Variants in RALGDS observed in about 807,000 individuals in gnomAD.
RALGDS encodes ral guanine nucleotide dissociation stimulator.
RALGDS carries 44 observed loss-of-function variants against 99.8 expected under a neutral mutation model. The ratio of observed to expected loss-of-function variants is 0.44; its 90% CI spans 0.35 to 0.57. The LOEUF (loss-of-function observed/expected upper bound fraction) is 0.57, where lower values mean the gene tolerates loss of function less well. RALGDS is among the 20% of genes least tolerant of loss of function. The pLI is 0.01. For missense variants in RALGDS, 1,022 were observed against 1,203.1 expected, an observed-to-expected ratio of 0.85 and a Z score of 2.23; for synonymous variants, 529 against 505.0, an observed-to-expected ratio of 1.05 and a Z score of -0.64.
chr9:133,110,526 C>T (rs1398047356), intron 2 of RALGDS, 37 bp from the exon 3 acceptor site: 1 of 1,558,120 alleles, frequency 6.4e-7, no homozygotes, highest in Non-Finnish European at 8.8e-7. Flanking sequence ...CAGTCAGTGG[C>T]AGCACACGAA....
intron 1 of RALGDS, among the ~76,000 whole-genome samples, chr9:133,114,032 G>C (rs2119183679): frequency 6.6e-6 from 1 of 152,344 alleles, no homozygotes; most frequent in African/African-American, 2.4e-5. Flanking sequence ...GGTGGCCTCG[G>C]CTGTCCCTGA....
chr9:133,102,273 G>A (rs1052910824), intron 14 of RALGDS, 134 bp from the exon 15 acceptor site: 12 of 1,139,286 alleles, frequency 1.1e-5, no homozygotes, highest in Non-Finnish European at 1.4e-5. Flanking sequence ...ACAGCCATCT[G>A]GGAGAGCATT....
At chr9:133,101,902 T>C (rs973440562) in intron 15 of RALGDS, 36 bp downstream of exon 15, 9 of 1,550,772 alleles carry the variant, frequency 5.8e-6, no homozygotes, top group Non-Finnish European at 7.8e-6. Context: ...AGTGGGGAGA[T>C]GGGAAAGGAT....
intron 9 of RALGDS, 121 bp downstream of exon 9, chr9:133,105,811 C>G (rs1222131610): frequency 2.0e-6 from 1 of 493,294 alleles, no homozygotes; most frequent in Non-Finnish European, 3.5e-6. Flanking sequence ...CGAATGCCAC[C>G]GCCCGCCGCC....
At chr9:133,102,696 A>C in intron 13 of RALGDS, 83 bp downstream of exon 13, 3 of 1,603,192 alleles carry the variant, frequency 1.9e-6, no homozygotes, top group Non-Finnish European at 2.6e-6. Flanking sequence ...GAGGCTGACC[A>C]TGGGTCATAG....
chr9:133,107,522 C>G (rs558893968), intron 6 of RALGDS, among the ~76,000 whole-genome samples: 11 of 152,360 alleles, frequency 7.2e-5, no homozygotes, highest in Admixed American at 3.9e-4. Context: ...AGGCGGCTCA[C>G]GCCTGCCCAC....
At chr9:133,104,533 A>G in intron 9 of RALGDS, 1 of 601,294 alleles carries the variant, frequency 1.7e-6, no homozygotes, top group Non-Finnish European at 3.0e-6. Context: ...CGCCTGCTGC[A>G]TGGTGCGGTG....
rs781044833 is a variant in RALGDS, at chr9:133,110,440, G to A, written c.344C>T (p.Thr115Ile). 2.5e-6 allele frequency: 4 copies of A among 1,613,512 alleles called. No individual in the cohort carries two copies. The highest frequency in any genetic ancestry group is 1.3e-5 in the African/African-American group (1 of 75,058). The change falls in exon 3 of 18, where the codon ACC (threonine) becomes ATC (isoleucine). Residue 115 changes from threonine to isoleucine, a missense_variant. Transcript: ENST00000372050. Reference protein sequence around the residue: ...LNLYETCKVRTVKAGTLEKLV... With the variant: ...LNLYETCKVRIVKAGTLEKLV... ...CTTCTCCAGCGTGCCAGCCTTCACGGTCCGCACCTTGCAAGTCTCATAAAG... is the reference window on the plus strand; with the variant it reads ...CTTCTCCAGCGTGCCAGCCTTCACGATCCGCACCTTGCAAGTCTCATAAAG...
intron 1 of RALGDS, among the ~76,000 whole-genome samples, chr9:133,139,362 A>G (rs1165128632): frequency 6.6e-6 from 1 of 152,178 alleles, no homozygotes; most frequent in Non-Finnish European, 1.5e-5. Flanking sequence ...GAAACACCTC[A>G]TGGAGTCCTG....
chr9:133,099,023 G>T lies in RALGDS; in HGVS notation c.2570-261C>A, dbSNP rs1830624348. On this transcript the variant is annotated intron_variant, in intron 17 of 17. Coordinates refer to ENST00000372050, the MANE Select transcript of RALGDS (RefSeq NM_006266.4). ...CCCGGCTTGGCCTGAGCTGGCAGAG[G>T]GTCACCCCGTCCTGCCCATACTGCA... 1.7e-5 allele frequency: 8 copies of T among 483,186 alleles called. No individual in the cohort carries two copies. The South Asian group carries it at 1.7e-4, about 10-fold the overall frequency. The allele number at this position is 483,186 out of a possible 1,614,324, so 29.9% of individuals were successfully genotyped here.
At chr9:133,140,679 G>C (rs925416641) in intron 1 of RALGDS, among the ~76,000 whole-genome samples, 3 of 152,118 alleles carry the variant, frequency 2.0e-5, no homozygotes, top group Non-Finnish European at 2.9e-5. Flanking sequence ...GTGGGGGAGG[G>C]GGTGGGGAAG....
In RALGDS at chr9:133,110,371, G is replaced by A; in HGVS notation, c.413C>T (p.Ser138Phe). ...GGTACACAGGAAGATGGTGACGTAG[G>A]AGAGGTCGCTGCCCTGGAAGGCTGG... ...LVPAFQGSDL[S>F]YVTIFLCTYR... Residue 138 changes from serine (S) to phenylalanine (F), a missense_variant, in exon 3 of 18, where the codon TCC (serine) becomes TTC (phenylalanine). This residue lies in a region of RALGDS where 17 missense variants were observed against 39.3 expected (regional missense o/e 0.43). Coordinates refer to ENST00000372050, the MANE Select transcript of RALGDS (RefSeq NM_006266.4). The A allele has an allele frequency of 6.2e-7, 1 of 1,613,800 alleles. No homozygotes were observed. The highest frequency in any genetic ancestry group is 8.5e-7 in the Non-Finnish European group (1 of 1,179,976).
chr9:133,133,747 C>T (rs953307278), upstream of RALGDS, among the ~76,000 whole-genome samples: 5 of 152,266 alleles, frequency 3.3e-5, no homozygotes, highest in Non-Finnish European at 7.3e-5. Context: ...CCACGATGCT[C>T]TGCCCAGCAC....
chr9:133,101,722 C>G lies in RALGDS; in HGVS notation c.2252G>C (p.Gly751Ala), dbSNP rs1830765078. The change falls in exon 16 of 18, where the codon GGC (glycine) becomes GCC (alanine). Residue 751 changes from glycine to alanine, a missense_variant. This residue lies in a region of RALGDS where 825 missense variants were observed against 994.5 expected (regional missense o/e 0.83). Coordinates refer to ENST00000372050, the MANE Select transcript of RALGDS (RefSeq NM_006266.4). ...GGTGCTGCTGGAGGCTGAGCTGATG[C>G]CGGAGGTCTCCGGGGATGACTGTGA... ...SASQSSPETS[G>A]ISSASSSTSS... The G allele has an allele frequency of 6.2e-7, 1 of 1,613,254 alleles. No homozygotes were observed. The highest frequency in any genetic ancestry group is 8.5e-7 in the Non-Finnish European group (1 of 1,179,676).
rs1463860541 is a variant in RALGDS at position 133,144,953 on chromosome 9, C to T, written c.18+4010G>A. On this transcript the variant is annotated intron_variant, in intron 1 of 17. Coordinates refer to the RALGDS transcript ENST00000393160. The surrounding 1 kb of genome is among the most constrained non-coding windows in gnomAD (Gnocchi z 4.5). ...GATAACAGGGAAAATTGGACAGACACGCACAGGCGGACAGACACGAACTGA... is the reference window on the plus strand; with the variant it reads ...GATAACAGGGAAAATTGGACAGACATGCACAGGCGGACAGACACGAACTGA... 6.6e-6 allele frequency among the ~76,000 whole-genome samples: 1 copy of T among 152,218 alleles called. No homozygotes were observed. Among genetic ancestry groups the T allele is most frequent in the African/African-American group, 2.4e-5 (1 of 41,464 alleles).
chr9:133,098,858 C>G, intron 17 of RALGDS, 96 bp from the exon 18 acceptor site: 1 of 1,261,956 alleles, frequency 7.9e-7, no homozygotes, highest in South Asian at 1.2e-5. Context: ...CTGTCTTGAG[C>G]CACAGACCTC....
rs549797868 is a variant in RALGDS at position 133,130,041 on chromosome 9, C to T, written c.132+911G>A. Among the ~76,000 whole-genome samples the T allele has an allele frequency of 3.2e-4, 48 of 152,112 alleles. 1 individual carries two copies. The highest frequency in any genetic ancestry group is 3.0e-3 in the Admixed American group (46 of 15,288). On this transcript the variant is annotated intron_variant, in intron 1 of 17. Transcript: ENST00000372062. ...AGGCTGGAGTGCAGTGGCATGGTCT[C>T]GGCTCACTGCACCTCTGCCTCCCGG... is the stretch of plus-strand genomic sequence containing the variant.
At chr9:133,137,210 G>A (rs542864284) in intron 1 of RALGDS, among the ~76,000 whole-genome samples, 1 of 152,380 alleles carries the variant, frequency 6.6e-6, no homozygotes, top group East Asian at 1.9e-4. Flanking sequence ...TCCAGCCTGG[G>A]CGACAGAGCA....
chr9:133,108,966 C>G, intron 4 of RALGDS, 100 bp from the exon 5 acceptor site: 1 of 1,187,408 alleles, frequency 8.4e-7, no homozygotes. Flanking sequence ...CCACCTGCCC[C>G]GGCCCAAGCC....
Sources: gnomAD v4.1 joint callset for allele counts (sites outside exome capture counted in the v4.1 genomes callset) on GRCh38, gnomAD v4.1.1 for gene constraint, gnomAD v4.1.1 regional missense constraint, Gnocchi (gnomAD v3.1) non-coding constraint, MANE v1.5 for transcripts, NCBI Gene and HGNC (gene_info 2026-07-23, HGNC 2026-07-21) for gene names.